The following SLIT3 variants were observed in gnomAD, a reference collection of about 807,000 sequenced individuals.
SLIT3 encodes slit guidance ligand 3, also known as slit homolog 3 protein.
In SLIT3, 68 loss-of-function variants were observed where a neutral mutation model predicts 184.0. The ratio of observed to expected loss-of-function variants is 0.37; its 90% CI spans 0.30 to 0.45. The LOEUF (loss-of-function observed/expected upper bound fraction) is 0.45. Among genes scored for constraint, SLIT3 ranks in the 20% least tolerant of loss-of-function variants. The probability of loss-of-function intolerance (pLI) is 1.00; values close to 1 mark genes in which losing one functional copy is unlikely to be tolerated. For synonymous variants in SLIT3, 831 were observed against 828.6 expected, an observed-to-expected ratio of 1.00 and a Z score of -0.05; for missense variants, 1,707 against 2,026.0, an observed-to-expected ratio of 0.84 and a Z score of 3.02.
At chr5:168,969,465 C>T (rs1424545307) in intron 4 of SLIT3, among the ~76,000 whole-genome samples, 1 of 152,242 alleles carries the variant, frequency 6.6e-6, no homozygotes, top group East Asian at 1.9e-4. Flanking sequence ...CTGTTGTTGA[C>T]ATCTACATTA....
chr5:169,078,143 A>G lies in SLIT3; in HGVS notation c.413+115336T>C, dbSNP rs539872618. Among the ~76,000 whole-genome samples the G allele has an allele frequency of 1.8e-3, 272 of 152,256 alleles. 1 individual carries two copies. The highest frequency in any genetic ancestry group is 5.8e-3 in the South Asian group (28 of 4,830). On this transcript the variant is annotated intron_variant, in intron 4 of 35. Coordinates refer to ENST00000519560, the MANE Select transcript of SLIT3 (RefSeq NM_003062.4). Reference sequence around the variant, plus strand: ...CTGTGCCTACCCACTCCTGACCTCAACCACCCACTGCTTCAATTTCAACAC... The same window carrying G: ...CTGTGCCTACCCACTCCTGACCTCAGCCACCCACTGCTTCAATTTCAACAC...
chr5:169,249,302 TG>T (rs916574206), intron 2 of SLIT3, among the ~76,000 whole-genome samples: 1 of 151,728 alleles, frequency 6.6e-6, no homozygotes, highest in Non-Finnish European at 1.5e-5. Context: ...TACTGGGGGA[TG>T]GGGGGTAGGG....
chr5:169,128,065 A>T (rs1488596826), intron 4 of SLIT3, among the ~76,000 whole-genome samples: 1 of 151,854 alleles, frequency 6.6e-6, no homozygotes, highest in Non-Finnish European at 1.5e-5. Context: ...TAAATGAAAA[A>T]CTGTTATTTA....
At chr5:168,894,731 T>C (rs1196221006) in intron 4 of SLIT3, among the ~76,000 whole-genome samples, 3 of 152,208 alleles carry the variant, frequency 2.0e-5, no homozygotes, top group African/African-American at 7.2e-5. Flanking sequence ...GAGGGTACAA[T>C]AGATTTGGAA....
At chr5:169,234,861 G>A (rs769582477) in intron 3 of SLIT3, among the ~76,000 whole-genome samples, 2 of 152,108 alleles carry the variant, frequency 1.3e-5, no homozygotes, top group Admixed American at 6.6e-5. Context: ...ATTTTTTTAG[G>A]TTATTCACTT....
At chr5:169,171,577 C>G (rs1346857950) in intron 4 of SLIT3, among the ~76,000 whole-genome samples, 1 of 152,190 alleles carries the variant, frequency 6.6e-6, no homozygotes, top group African/African-American at 2.4e-5. Flanking sequence ...GAGGTTTCAG[C>G]CAAAGATGTG....
chr5:169,059,949 A>G (rs1017016834), intron 4 of SLIT3, among the ~76,000 whole-genome samples: 2 of 152,230 alleles, frequency 1.3e-5, no homozygotes, highest in South Asian at 2.1e-4. Context: ...TAGTGCCCTT[A>G]TAAAAAGAGA....
In SLIT3 at chr5:168,883,377, G is replaced by A. The variant is rs377453494; in HGVS notation, c.414-41C>T. 332 of 1,478,786 alleles carry A rather than the reference G, an allele frequency of 2.2e-4. 1 individual carries two copies. The highest frequency in any genetic ancestry group is 1.4e-3 in the South Asian group (127 of 88,106). The allele number at this position is 1,478,786 out of a possible 1,614,324, so 91.6% of individuals were successfully genotyped here. A position where few individuals can be genotyped will look rare whatever the true frequency, so the allele number is the denominator to read the frequency against. On this transcript the variant is annotated intron_variant, in intron 4 of 35. Transcript: ENST00000519560. ...AGAGGCACACTGCATTAAAGACCCA[G>A]GCTGTCTTGATCTGCATCTCATTAA... is the stretch of plus-strand genomic sequence containing the variant.
At chr5:169,003,928 T>G (rs1755815754) in intron 4 of SLIT3, among the ~76,000 whole-genome samples, 1 of 151,816 alleles carries the variant, frequency 6.6e-6, no homozygotes, top group Non-Finnish European at 1.5e-5. Context: ...TGTTGTGGAG[T>G]GAGCTGTCTG....
intron 6 of SLIT3, among the ~76,000 whole-genome samples, chr5:168,828,401 C>T (rs964781084): frequency 4.6e-5 from 7 of 152,028 alleles, no homozygotes; most frequent in South Asian, 2.1e-4. Context: ...GAGGCCACAG[C>T]GGGAGGACTG....
chr5:168,945,155 T>A (rs958648496), intron 4 of SLIT3, among the ~76,000 whole-genome samples: 1 of 152,008 alleles, frequency 6.6e-6, no homozygotes. Flanking sequence ...TGATAACATA[T>A]CAGGGAGTTG....
Position 168,711,019 on chromosome 5 carries a change from A to G in SLIT3, c.2595T>C (p.Leu865=), listed in dbSNP as rs1209698879. The G allele has an allele frequency of 6.3e-7, 1 of 1,588,096 alleles. No homozygotes were observed. The highest frequency in any genetic ancestry group is 8.6e-7 in the Non-Finnish European group (1 of 1,166,512). Residue 865 remains leucine (L), a synonymous_variant, in exon 25 of 36, where the codon CTT becomes CTC. Coordinates refer to ENST00000519560, the MANE Select transcript of SLIT3 (RefSeq NM_003062.4). ...GTNPLHCDCS[L]RWLSEWVKAG... Reference sequence around the variant, plus strand: ...CCTTCACCCACTCCGACAGCCACCGAAGACTGCAGTCACAGTGGAGTGGGT... The same window carrying G: ...CCTTCACCCACTCCGACAGCCACCGGAGACTGCAGTCACAGTGGAGTGGGT...
chr5:169,283,286 T>G (rs1258191694), intron 1 of SLIT3, among the ~76,000 whole-genome samples: 1 of 152,204 alleles, frequency 6.6e-6, no homozygotes, highest in East Asian at 1.9e-4. Context: ...TATCAAGAAC[T>G]CCTGGATTCA....
chr5:169,058,196 C>G (rs571508112), intron 4 of SLIT3, among the ~76,000 whole-genome samples: 1 of 152,398 alleles, frequency 6.6e-6, no homozygotes, highest in Admixed American at 6.5e-5. Context: ...CCGCTTCTCC[C>G]CGAGCCTTGT....
chr5:169,035,002 G>C (rs1377543651), intron 4 of SLIT3, among the ~76,000 whole-genome samples: 2 of 150,672 alleles, frequency 1.3e-5, no homozygotes, highest in East Asian at 2.0e-4. Flanking sequence ...GGCTGGTCTT[G>C]AACTCCTGAG....
chr5:168,689,235 C>A (rs905491284), intron 29 of SLIT3, among the ~76,000 whole-genome samples: 1 of 152,176 alleles, frequency 6.6e-6, no homozygotes, highest in Non-Finnish European at 1.5e-5. Flanking sequence ...GTAGCAAGGA[C>A]CTATATAGTA....
At chr5:168,866,686 T>C (rs905319284) in intron 5 of SLIT3, among the ~76,000 whole-genome samples, 1 of 152,204 alleles carries the variant, frequency 6.6e-6, no homozygotes, top group Non-Finnish European at 1.5e-5. Context: ...TTAATGTAGA[T>C]TCATATTTTG....
intron 4 of SLIT3, among the ~76,000 whole-genome samples, chr5:168,982,582 A>G (rs528762387): frequency 6.6e-6 from 1 of 152,386 alleles, no homozygotes; most frequent in Non-Finnish European, 1.5e-5. Context: ...TTATTTTTAT[A>G]GTATTTTACA....
intron 11 of SLIT3, among the ~76,000 whole-genome samples, chr5:168,786,889 C>T (rs950558283): frequency 2.6e-5 from 4 of 152,274 alleles, no homozygotes; most frequent in Non-Finnish European, 4.4e-5. Flanking sequence ...GGGAACTGAT[C>T]GTAGGAGAGT....
Sources: allele counts gnomAD v4.1 joint callset (sites outside exome capture counted in the v4.1 genomes callset), GRCh38; gene constraint gnomAD v4.1.1; transcripts MANE v1.5; gene names NCBI Gene and HGNC (gene_info 2026-07-23, HGNC 2026-07-21).